The following FLT1 variants were observed in gnomAD, a reference collection of about 807,000 sequenced individuals.
The protein encoded by FLT1 is fms related receptor tyrosine kinase 1, also known as vascular endothelial growth factor receptor 1.
FLT1 carries 49 observed loss-of-function variants against 156.3 expected under a neutral mutation model. The ratio of observed to expected loss-of-function variants is 0.31; its 90% CI spans 0.25 to 0.40. The LOEUF is 0.40. Among genes scored for constraint, FLT1 ranks in the 10% least tolerant of loss-of-function variants. The probability of loss-of-function intolerance (pLI) is 1.00; values close to 1 mark genes in which losing one functional copy is unlikely to be tolerated. For synonymous variants in FLT1, 594 were observed against 583.8 expected (o/e 1.02, Z -0.25); for missense variants, 1,322 against 1,637.2 (o/e 0.81, Z 3.32).
chr13:28,454,992 A>T (rs1879180956), intron 3 of FLT1, among the ~76,000 whole-genome samples: 1 of 152,216 alleles, frequency 6.6e-6, no homozygotes, highest in Non-Finnish European at 1.5e-5. Context: ...AACTATGATG[A>T]ACAAAACTGA....
intron 15 of FLT1, among the ~76,000 whole-genome samples, chr13:28,347,755 A>T (rs1196200762): frequency 6.6e-6 from 1 of 152,174 alleles, no homozygotes; most frequent in Admixed American, 6.5e-5. Context: ...TATTCTAGGG[A>T]CTTTTCTAAG....
intron 2 of FLT1, 142 bp from the exon 3 acceptor site, chr13:28,467,271 T>C: frequency 1.3e-6 from 1 of 751,794 alleles, no homozygotes. Context: ...AGCAACACAT[T>C]CAGAAAAGCT....
At position 28,322,840 on chromosome 13, in the gene FLT1, CT is replaced by C. The variant is rs1471784676; in HGVS notation, c.2902del (p.Ser968AlafsTer10). 1 of 1,614,196 alleles carries C rather than the reference CT, an allele frequency of 6.2e-7. No homozygotes were observed. Among genetic ancestry groups the C allele is most frequent in the Non-Finnish European group, 8.5e-7 (1 of 1,180,026 alleles). On this transcript the variant is annotated frameshift_variant, in exon 21 of 30. Transcript: ENST00000282397. LOFTEE classifies it high-confidence loss of function. The surrounding 1 kb of genome is among the most constrained non-coding windows in gnomAD (Gnocchi z 4.3). ...ACTTTTATCTTCCTGAAAGCCGGAG[CT>C]CGCAAAGCTTTCGCTGCTGGTGACG... ...DSVTSSESFASSGFQEDKSLS... is the reference protein window; with the variant it reads ...DSVTSSESFAXSGFQEDKSLS...
chr13:28,300,554 C>T lies in FLT1; in HGVS notation c.*2613G>A, dbSNP rs2138798055. The T allele has an allele frequency of 1.3e-5, 3 of 227,852 alleles. No homozygotes were observed. Among genetic ancestry groups the T allele is most frequent in the Non-Finnish European group, 2.6e-5 (3 of 116,474 alleles). The allele number at this position is 227,852 out of a possible 1,614,324, so 14.1% of individuals were successfully genotyped here. A position where few individuals can be genotyped will look rare whatever the true frequency, so the allele number is the denominator to read the frequency against. On this transcript the variant is annotated 3_prime_UTR_variant, in exon 30 of 30. Coordinates refer to ENST00000282397, the MANE Select transcript of FLT1 (RefSeq NM_002019.4). ...ACACACACACACACACACACACACA[C>T]ACATACAGTTACACCACTGTCGGCC...
At chr13:28,414,668 T>G (rs974132011) in intron 10 of FLT1, among the ~76,000 whole-genome samples, 4 of 152,186 alleles carry the variant, frequency 2.6e-5, no homozygotes, top group Non-Finnish European at 4.4e-5. Flanking sequence ...TGTTCATCAT[T>G]ATAGCTTTGG....
At chr13:28,425,409 T>C (rs1317501346) in intron 10 of FLT1, among the ~76,000 whole-genome samples, 2 of 152,184 alleles carry the variant, frequency 1.3e-5, no homozygotes, top group Non-Finnish European at 2.9e-5. Flanking sequence ...GGCGAACTTA[T>C]TCCATCACAC....
At chr13:28,460,368 T>C (rs1368238263) in intron 3 of FLT1, among the ~76,000 whole-genome samples, 12 of 152,212 alleles carry the variant, frequency 7.9e-5, no homozygotes, top group African/African-American at 2.9e-4. Context: ...AGAGAGTAAC[T>C]GGGGGACTTC....
chr13:28,419,696 G>C (rs910663429), intron 10 of FLT1, among the ~76,000 whole-genome samples: 3 of 152,154 alleles, frequency 2.0e-5, no homozygotes, highest in African/African-American at 7.2e-5. Context: ...TCGCTAACAT[G>C]GCGAAACCGC....
rs1290920015 is a variant in FLT1, at chr13:28,372,074, A to ATTT, written c.2116+12810_2116+12811insAAA. On this transcript the variant is annotated intron_variant, in intron 14 of 29. Coordinates refer to ENST00000282397, the MANE Select transcript of FLT1 (RefSeq NM_002019.4). Reference sequence around the variant, plus strand: ...TATATATATATATATATATATATATATATTTTTTTTTTTTTTTTTTTTTTT... The same window carrying ATTT: ...TATATATATATATATATATATATATATTTTATTTTTTTTTTTTTTTTTTTTTTT... Among the ~76,000 whole-genome samples the ATTT allele has an allele frequency of 1.3e-3, 19 of 14,170 alleles. 1 individual carries two copies. Among genetic ancestry groups the ATTT allele is most frequent in the African/African-American group, 3.2e-3 (16 of 4,966 alleles). The allele number at this position is 14,170 out of a possible 152,430, so 9.3% of individuals were successfully genotyped here. A position where few individuals can be genotyped will look rare whatever the true frequency, so the allele number is the denominator to read the frequency against.
At chr13:28,402,676 G>A (rs565806555) in intron 11 of FLT1, among the ~76,000 whole-genome samples, 9 of 152,244 alleles carry the variant, frequency 5.9e-5, no homozygotes, top group Non-Finnish European at 8.8e-5. Flanking sequence ...ATCACAATCA[G>A]TTTAGGGAAT....
chr13:28,322,988 A>G lies in FLT1; in HGVS notation c.2797-42T>C. ...AAGGACCCAGGTGAAAAGGAGCTCC[A>G]GCACAGCAGTGGGAAACCAGTCCCT... On this transcript the variant is annotated intron_variant, in intron 20 of 29. Coordinates refer to ENST00000282397, the MANE Select transcript of FLT1 (RefSeq NM_002019.4). This position sits in a 1 kb window ranked among gnomAD's most constrained non-coding sequence, Gnocchi z 4.3. 1 of 1,609,882 alleles carries G rather than the reference A, an allele frequency of 6.2e-7. No individual in the cohort carries two copies. The highest frequency in any genetic ancestry group is 1.1e-5 in the South Asian group (1 of 91,012).
At chr13:28,387,145 C>A (rs77920963) in intron 13 of FLT1, 1 of 1,035,404 alleles carries the variant, frequency 9.7e-7, no homozygotes, top group Non-Finnish European at 1.2e-6. Context: ...ACACAAACTT[C>A]AGATGATAGA....
intron 15 of FLT1, among the ~76,000 whole-genome samples, chr13:28,350,212 C>A (rs1872697062): frequency 6.6e-6 from 1 of 152,182 alleles, no homozygotes; most frequent in Non-Finnish European, 1.5e-5. Flanking sequence ...ATGGCTCCCG[C>A]ATGATGTGCG....
chr13:28,325,787 CCTGA>C lies in FLT1; in HGVS notation c.2796+1671_2796+1674del, dbSNP rs576327361. On this transcript the variant is annotated intron_variant, in intron 20 of 29. Transcript: ENST00000282397. The stretch of plus-strand genomic sequence containing the variant: ...CTGAGATCACACCACTGCACTCCAG[CCTGA>C]CTGACAGAGAGAGAAACTCTGTCTC... 7.8e-3 allele frequency among the ~76,000 whole-genome samples: 1,000 copies of C among 128,662 alleles called. 2 individuals are homozygous for C. Among genetic ancestry groups the C allele is most frequent in the Non-Finnish European group, 9.1e-3 (577 of 63,362 alleles). The allele number at this position is 128,662 out of a possible 152,430, so 84.4% of individuals were successfully genotyped here.
chr13:28,443,757 G>C (rs1878459161), intron 3 of FLT1, among the ~76,000 whole-genome samples: 1 of 152,156 alleles, frequency 6.6e-6, no homozygotes, highest in South Asian at 2.1e-4. Context: ...TACTCAAGGA[G>C]AATGTACTGA....
chr13:28,355,391 T>A (rs1198009918), intron 15 of FLT1, among the ~76,000 whole-genome samples: 2 of 152,222 alleles, frequency 1.3e-5, no homozygotes, highest in Non-Finnish European at 1.5e-5. Flanking sequence ...GCTGGGCATG[T>A]GTACAGGATA....
chr13:28,384,124 CG>C (rs1874209243), intron 14 of FLT1, among the ~76,000 whole-genome samples: 1 of 152,098 alleles, frequency 6.6e-6, no homozygotes, highest in South Asian at 2.1e-4. Context: ...TTAACATCTG[CG>C]TAGATGAATT....
intron 1 of FLT1, among the ~76,000 whole-genome samples, chr13:28,491,897 T>TAG (rs921920979): frequency 1.3e-5 from 2 of 152,206 alleles, no homozygotes; most frequent in Admixed American, 1.3e-4. Context: ...TAGCCTATTA[T>TAG]AGAATGTCCA....
intron 10 of FLT1, among the ~76,000 whole-genome samples, chr13:28,415,291 C>A (rs536074229): frequency 7.9e-5 from 12 of 152,070 alleles, no homozygotes; most frequent in African/African-American, 2.9e-4. Flanking sequence ...ACCAGCCTGA[C>A]CAACATGGAG....
Sources: gnomAD v4.1 joint callset for allele counts (sites outside exome capture counted in the v4.1 genomes callset) on GRCh38, gnomAD v4.1.1 for gene constraint, Gnocchi (gnomAD v3.1) non-coding constraint, MANE v1.5 for transcripts, NCBI Gene and HGNC (gene_info 2026-07-23, HGNC 2026-07-21) for gene names.